The following RMC1 variants were observed in gnomAD, a reference collection of about 807,000 sequenced individuals.
RMC1 encodes regulator of MON1-CCZ1 complex.
Under a neutral mutation model 95.5 loss-of-function variants are expected in RMC1, and 44 were observed. The ratio of observed to expected loss-of-function variants is 0.46; its 90% CI spans 0.36 to 0.59. The LOEUF (loss-of-function observed/expected upper bound fraction) is 0.59, where lower values mean the gene tolerates loss of function less well. Ranked by LOEUF, RMC1 falls within the 20% of genes least tolerant of loss-of-function variation. The pLI, the probability that RMC1 is intolerant of heterozygous loss-of-function variation, is 0.00. For synonymous variants in RMC1, 320 were observed against 303.6 expected (o/e 1.05, Z -0.56); for missense variants, 705 against 819.6 (o/e 0.86, Z 1.71).
At position 23,521,776 on chromosome 18, in the gene RMC1, T is replaced by C. The variant is rs184254726; in HGVS notation, c.961+1463T>C. 2.6e-5 allele frequency among the ~76,000 whole-genome samples: 4 copies of C among 152,274 alleles called. No homozygotes were observed. The East Asian group carries it at 7.7e-4, about 29-fold the overall frequency. ...GTTCAAGATCAAGATGTCTGCAGGT[T>C]TGCTTTCTTCTGAGGCCTCCCTCCT... On this transcript the variant is annotated intron_variant, in intron 10 of 19. Transcript: ENST00000269221.
At chr18:23,511,653 CT>C (rs879564586) in intron 5 of RMC1, among the ~76,000 whole-genome samples, 467 of 140,802 alleles carry the variant, frequency 3.3e-3, no homozygotes, top group Non-Finnish European at 3.8e-3. Context: ...TTGCAGCTAG[CT>C]TTTTTTTTTT....
chr18:23,531,806 T>C lies in RMC1; in HGVS notation c.*102T>C. The C allele has an allele frequency of 6.6e-7, 1 of 1,517,336 alleles. No individual in the cohort carries two copies. The highest frequency in any genetic ancestry group is 8.8e-7 in the Non-Finnish European group (1 of 1,142,130). 94.0% of individuals were successfully genotyped at this position (1,517,336 alleles called of 1,614,324 possible). On this transcript the variant is annotated 3_prime_UTR_variant, in exon 20 of 20. Coordinates refer to ENST00000269221, the MANE Select transcript of RMC1 (RefSeq NM_013326.5). ...AATGTTATAAAGTGTATCTACAACC[T>C]CAACTGTCACTAAAAATATGGTATA...
rs150540565 is a variant in RMC1 at position 23,524,357 on chromosome 18, G to A, written c.1007-72G>A. 2.9e-4 allele frequency: 456 copies of A among 1,551,402 alleles called. 3 individuals are homozygous for A. In the East Asian group the frequency reaches 6.0e-3, roughly 21 times the overall value. ...GACTCAGTACATGGTGGGCAGGGGC[G>A]AGTGCTAGCGGAAACTGGGTTTGCT... On this transcript the variant is annotated intron_variant, in intron 11 of 19. Coordinates refer to ENST00000269221, the MANE Select transcript of RMC1 (RefSeq NM_013326.5).
At chr18:23,518,681 T>C (rs2058070485) in intron 7 of RMC1, among the ~76,000 whole-genome samples, 1 of 152,214 alleles carries the variant, frequency 6.6e-6, no homozygotes, top group African/African-American at 2.4e-5. Flanking sequence ...TTTAAAATAT[T>C]ATGATCAAGC....
At position 23,507,006 on chromosome 18, in the gene RMC1, T is replaced by G. The variant is rs1443435056; in HGVS notation, c.216T>G (p.Phe72Leu). The G allele has an allele frequency of 6.2e-7, 1 of 1,609,900 alleles. No homozygotes were observed. Among genetic ancestry groups the G allele is most frequent in the Non-Finnish European group, 8.5e-7 (1 of 1,178,166 alleles). Residue 72 changes from phenylalanine to leucine, a missense_variant, in exon 3 of 20, where the codon TTT (phenylalanine) becomes TTG (leucine). Physicochemically the swap from Phe to Leu is conservative, Grantham distance 22. Coordinates refer to ENST00000269221, the MANE Select transcript of RMC1 (RefSeq NM_013326.5). ...DDKGEVKCIKFSLENKILAVQ... is the reference protein window; with the variant it reads ...DDKGEVKCIKLSLENKILAVQ... ...AAGGAGAAGTGAAGTGCATTAAGTTTTCCTTAGAAAATAAGATATTGGCTG... is the reference window on the plus strand; with the variant it reads ...AAGGAGAAGTGAAGTGCATTAAGTTGTCCTTAGAAAATAAGATATTGGCTG...
chr18:23,503,497 T>A (rs905736439), upstream of RMC1: 3 of 512,748 alleles, frequency 5.9e-6, no homozygotes, highest in African/African-American at 6.2e-5. Flanking sequence ...GGAAGCGGCG[T>A]CCGCGCCGGG....
rs763412048 is a variant in RMC1 at position 23,522,005 on chromosome 18, G to T, written c.961+1692G>T. On this transcript the variant is annotated intron_variant, in intron 10 of 19. Coordinates refer to ENST00000269221, the MANE Select transcript of RMC1 (RefSeq NM_013326.5). Reference sequence around the variant, plus strand: ...AGTAGTAATGTTTTATTCTTTGTCCGATGGCATTGGGCGGGTTGACCCAGC... The same window carrying T: ...AGTAGTAATGTTTTATTCTTTGTCCTATGGCATTGGGCGGGTTGACCCAGC... Among the ~76,000 whole-genome samples, 3 of 152,188 alleles carry T rather than the reference G, an allele frequency of 2.0e-5. No homozygotes were observed. The South Asian group carries it at 6.2e-4, about 31-fold the overall frequency.
Position 23,527,818 on chromosome 18 carries a change from T to G in RMC1, c.1213T>G (p.Ser405Ala). Residue 405 changes from serine to alanine, a missense_variant, in exon 14 of 20, where the codon TCG becomes GCG. Transcript: ENST00000269221. ...AGTGTTAAGTGAGTCAGACAGAGCA[T>G]CGCTGCCCGTGATAGCCACTGTTTT... ...SQMLSESDRA[S>A]LPVIATVFDK... The G allele has an allele frequency of 6.2e-7, 1 of 1,614,118 alleles. No homozygotes were observed. Among genetic ancestry groups the G allele is most frequent in the Non-Finnish European group, 8.5e-7 (1 of 1,180,014 alleles).
In RMC1 at chr18:23,503,545, C is replaced by T. The variant is rs905310999; in HGVS notation, c.-74C>T. 5.4e-6 allele frequency: 6 copies of T among 1,110,324 alleles called. No individual in the cohort carries two copies. In the African/African-American group the frequency reaches 8.4e-5, roughly 15 times the overall value. The allele number at this position is 1,110,324 out of a possible 1,614,324, so 68.8% of individuals were successfully genotyped here. ...GCCGCAGCCGCCGCTACAGTCCGGG[C>T]CGGGCTCCACCGCGCATCCTGCTCC... is the stretch of plus-strand genomic sequence containing the variant. On this transcript the variant is annotated 5_prime_UTR_variant, in exon 1 of 20. Transcript: ENST00000269221.
rs779323321 is a variant in RMC1 at position 23,519,038 on chromosome 18, G to C, written c.744-31G>C. On this transcript the variant is annotated intron_variant, in intron 8 of 19. Transcript: ENST00000269221. Reference sequence around the variant, plus strand: ...GATTTTAAAATGTGAACTGCAGCTTGTTGATCTGTTTTTTGCTTTCTATCC... The same window carrying C: ...GATTTTAAAATGTGAACTGCAGCTTCTTGATCTGTTTTTTGCTTTCTATCC... 7 of 1,612,918 alleles carry C rather than the reference G, an allele frequency of 4.3e-6. No individual in the cohort carries two copies. The East Asian group carries it at 6.7e-5, about 15-fold the overall frequency.
intron 5 of RMC1, among the ~76,000 whole-genome samples, chr18:23,511,407 G>C (rs746166762): frequency 5.9e-5 from 9 of 152,146 alleles, no homozygotes; most frequent in Non-Finnish European, 1.3e-4. Context: ...GAAATAATCT[G>C]TACCACAAAC....
chr18:23,526,893 G>A (rs773121531), intron 13 of RMC1, 128 bp downstream of exon 13: 625 of 1,284,190 alleles, frequency 4.9e-4, no homozygotes, highest in Non-Finnish European at 6.2e-4. Context: ...TTTATGTGAG[G>A]GGTGGCTATG....
chr18:23,513,908 A>G (rs546357304), intron 5 of RMC1, among the ~76,000 whole-genome samples: 1 of 152,264 alleles, frequency 6.6e-6, no homozygotes, highest in South Asian at 2.1e-4. Flanking sequence ...AGTTCTTTAT[A>G]TATTCTGATA....
rs941374007 is a variant in RMC1, at chr18:23,503,543, G to T, written c.-76G>T. The T allele has an allele frequency of 9.1e-7, 1 of 1,101,282 alleles. No individual in the cohort carries two copies. The highest frequency in any genetic ancestry group is 1.2e-6 in the Non-Finnish European group (1 of 811,940). 68.2% of individuals were successfully genotyped at this position (1,101,282 alleles called of 1,614,324 possible). ...CAGCCGCAGCCGCCGCTACAGTCCG[G>T]GCCGGGCTCCACCGCGCATCCTGCT... On this transcript the variant is annotated 5_prime_UTR_variant, in exon 1 of 20. Transcript: ENST00000269221.
chr18:23,505,313 C>T (rs1480505245), intron 2 of RMC1, among the ~76,000 whole-genome samples: 1 of 152,188 alleles, frequency 6.6e-6, no homozygotes, highest in Non-Finnish European at 1.5e-5. Context: ...CCGCCCGCCT[C>T]AGACTCCCAC....
At chr18:23,506,878 C>T (rs2057730169) in intron 2 of RMC1, 92 bp from the exon 3 acceptor site, 3 of 892,878 alleles carry the variant, frequency 3.4e-6, no homozygotes, top group Non-Finnish European at 3.6e-6. Flanking sequence ...TTTGCTGCCT[C>T]CTGAATATAG....
At chr18:23,523,967 C>T (rs1343904264) in intron 10 of RMC1, among the ~76,000 whole-genome samples, 163 bp from the exon 11 acceptor site, 3 of 152,118 alleles carry the variant, frequency 2.0e-5, no homozygotes, top group Non-Finnish European at 4.4e-5. Context: ...CCTTCCTCCC[C>T]GTACGTGCTT....
In RMC1 at chr18:23,509,228, T is replaced by C; in HGVS notation, c.357T>C (p.Thr119=). ...CCAACATTCTAGGATTCTGCTGGAC[T>C]AGTTCAACTGAAATTGTCTTCATAA... ...KNANILGFCW[T]SSTEIVFITD... The change falls in exon 5 of 20, where the codon ACT becomes ACC. Residue 119 remains threonine (T), a synonymous_variant. Coordinates refer to ENST00000269221, the MANE Select transcript of RMC1 (RefSeq NM_013326.5). 1 of 1,466,920 alleles carries C rather than the reference T, an allele frequency of 6.8e-7. No homozygotes were observed. Among genetic ancestry groups the C allele is most frequent in the Non-Finnish European group, 9.0e-7 (1 of 1,107,654 alleles). The allele number at this position is 1,466,920 out of a possible 1,614,324, so 90.9% of individuals were successfully genotyped here.
Position 23,530,488 on chromosome 18 carries a change from C to T in RMC1, c.1770C>T (p.Asn590=). ...TCCGGGGCATTGGTGGCCATGACAA[C>T]ATTTCTGCACGAAAATTTTTAGATG... The part of the protein sequence containing the change: ...RFIRGIGGHD[N]ISARKFLDAA... Residue 590 remains asparagine, a synonymous_variant, in exon 19 of 20, where the codon AAC becomes AAT. Coordinates refer to ENST00000269221, the MANE Select transcript of RMC1 (RefSeq NM_013326.5). 1.2e-6 allele frequency: 2 copies of T among 1,614,244 alleles called. No individual in the cohort carries two copies. Among genetic ancestry groups the T allele is most frequent in the Non-Finnish European group, 1.7e-6 (2 of 1,180,038 alleles).
Sources: allele counts gnomAD v4.1 joint callset (sites outside exome capture counted in the v4.1 genomes callset), GRCh38; gene constraint gnomAD v4.1.1; transcripts MANE v1.5; gene names NCBI Gene and HGNC (gene_info 2026-07-23, HGNC 2026-07-21).